Variants in SGCZ observed in about 807,000 individuals in gnomAD.
SGCZ encodes the protein sarcoglycan zeta.
In SGCZ, 40 loss-of-function variants were observed where a neutral mutation model predicts 41.3. That is an observed-to-expected ratio of 0.97 (90% CI 0.75 to 1.26). The LOEUF is 1.26. Ranked by LOEUF, SGCZ falls within the 50% of genes most tolerant of loss-of-function variation. The pLI, the probability that SGCZ is intolerant of heterozygous loss-of-function variation, is 0.00. For missense variants in SGCZ, 552 were observed against 369.8 expected, an observed-to-expected ratio of 1.49 and a Z score of -4.04; for synonymous variants, 206 against 137.5, an observed-to-expected ratio of 1.50 and a Z score of -3.49.
At chr8:14,725,618 A>G (rs1358276988) in intron 1 of SGCZ, among the ~76,000 whole-genome samples, 1 of 152,218 alleles carries the variant, frequency 6.6e-6, no homozygotes, top group Non-Finnish European at 1.5e-5. Flanking sequence ...ATGTGAAGGC[A>G]AATTTAATGA....
At chr8:14,144,392 C>G (rs1042428796) in intron 5 of SGCZ, among the ~76,000 whole-genome samples, 1 of 152,166 alleles carries the variant, frequency 6.6e-6, no homozygotes, top group Admixed American at 6.5e-5. Context: ...GAATCCACTG[C>G]TTTGAAGAAA....
At chr8:15,003,222 G>A (rs1192466385) in intron 1 of SGCZ, among the ~76,000 whole-genome samples, 1 of 152,328 alleles carries the variant, frequency 6.6e-6, no homozygotes, top group South Asian at 2.1e-4. Flanking sequence ...ATGGAGAGCA[G>A]AGAGTTTATA....
chr8:14,615,040 A>C (rs1806054126), intron 1 of SGCZ, among the ~76,000 whole-genome samples: 1 of 152,100 alleles, frequency 6.6e-6, no homozygotes, highest in African/African-American at 2.4e-5. Flanking sequence ...GCTTGTTACA[A>C]AAAGATTAAA....
At chr8:15,236,505 A>T (rs1802125723) in intron 1 of SGCZ, among the ~76,000 whole-genome samples, 1 of 152,194 alleles carries the variant, frequency 6.6e-6, no homozygotes, top group Non-Finnish European at 1.5e-5. Flanking sequence ...CTGAAATAGT[A>T]GAACGTACCA....
intron 5 of SGCZ, among the ~76,000 whole-genome samples, chr8:14,109,500 C>A (rs1383090658): frequency 1.3e-5 from 2 of 152,054 alleles, no homozygotes; most frequent in Non-Finnish European, 1.5e-5. Flanking sequence ...GCTTTAAGAA[C>A]CTCATACCTG....
At chr8:14,860,301 T>A (rs73666906) in intron 1 of SGCZ, among the ~76,000 whole-genome samples, 6,135 of 151,978 alleles carry the variant, frequency 0.04, 340 homozygotes, top group African/African-American at 0.13. Flanking sequence ...CCAAGAGCAA[T>A]TTGACGCTAA....
At chr8:14,558,120 C>G (rs1011743247) in intron 1 of SGCZ, among the ~76,000 whole-genome samples, 3 of 152,080 alleles carry the variant, frequency 2.0e-5, no homozygotes, top group African/African-American at 7.2e-5. Context: ...ATTCAGGAAG[C>G]ATTAGAAACA....
At chr8:14,741,296 C>T (rs1235775986) in intron 1 of SGCZ, among the ~76,000 whole-genome samples, 1 of 151,936 alleles carries the variant, frequency 6.6e-6, no homozygotes, top group Non-Finnish European at 1.5e-5. Flanking sequence ...AAATTAAGCC[C>T]ATCTTTTAGA....
At chr8:15,013,856 A>C (rs756242842) in intron 1 of SGCZ, among the ~76,000 whole-genome samples, 5 of 152,176 alleles carry the variant, frequency 3.3e-5, no homozygotes, top group Non-Finnish European at 7.3e-5. Flanking sequence ...TGTTTGTGGG[A>C]AGCATAGAGA....
chr8:14,869,704 C>G (rs62493323), intron 1 of SGCZ, among the ~76,000 whole-genome samples: 2,083 of 152,242 alleles, frequency 0.014, 21 homozygotes, highest in Non-Finnish European at 0.02. Flanking sequence ...TGTCTCAGCC[C>G]AAAATCTCTT....
At chr8:14,436,984 A>G (rs1413494514) in intron 2 of SGCZ, among the ~76,000 whole-genome samples, 1 of 152,236 alleles carries the variant, frequency 6.6e-6, no homozygotes, top group Non-Finnish European at 1.5e-5. Flanking sequence ...CTTTTAAGCA[A>G]AAGCCAGAAT....
intron 1 of SGCZ, among the ~76,000 whole-genome samples, chr8:14,800,037 G>A (rs1801268974): frequency 6.6e-6 from 1 of 152,184 alleles, no homozygotes; most frequent in Admixed American, 6.5e-5. Flanking sequence ...GTTTTGCACA[G>A]AGGTTAGCTA....
chr8:14,797,432 A>G (rs1403823784), intron 1 of SGCZ, among the ~76,000 whole-genome samples: 1 of 152,186 alleles, frequency 6.6e-6, no homozygotes, highest in Non-Finnish European at 1.5e-5. Context: ...TTTTGGCCCT[A>G]TCTTAGAGCT....
chr8:14,224,849 C>G (rs1322130068), intron 4 of SGCZ, among the ~76,000 whole-genome samples: 3 of 152,162 alleles, frequency 2.0e-5, no homozygotes, highest in African/African-American at 7.2e-5. Flanking sequence ...ACTACTTGCT[C>G]TTGTTACTTA....
chr8:14,809,522 T>C (rs1216270388), intron 1 of SGCZ, among the ~76,000 whole-genome samples: 1 of 152,172 alleles, frequency 6.6e-6, no homozygotes, highest in Admixed American at 6.6e-5. Flanking sequence ...AATTACCAAT[T>C]CTCCATTTTA....
At chr8:15,153,587 C>G (rs1182271378) in intron 1 of SGCZ, among the ~76,000 whole-genome samples, 1 of 152,112 alleles carries the variant, frequency 6.6e-6, no homozygotes, top group Non-Finnish European at 1.5e-5. Flanking sequence ...TCATGAAAGG[C>G]TTGGACTATC....
chr8:14,328,734 T>A (rs1189140929), intron 2 of SGCZ, among the ~76,000 whole-genome samples: 2 of 152,230 alleles, frequency 1.3e-5, no homozygotes, highest in African/African-American at 4.8e-5. Flanking sequence ...ATGTGTCCCC[T>A]CTAAAATTTA....
chr8:15,064,056 T>A (rs1365777503), intron 1 of SGCZ, among the ~76,000 whole-genome samples: 1 of 152,196 alleles, frequency 6.6e-6, no homozygotes, highest in Non-Finnish European at 1.5e-5. Flanking sequence ...GATATTTCTT[T>A]TGGGTTTCTT....
intron 1 of SGCZ, among the ~76,000 whole-genome samples, chr8:14,573,913 A>G (rs1223421420): frequency 1.3e-5 from 2 of 152,156 alleles, no homozygotes; most frequent in Non-Finnish European, 2.9e-5. Context: ...CCTTTAAGCC[A>G]TAGAAGGGAG....
Sources: gnomAD v4.1 joint callset for allele counts (sites outside exome capture counted in the v4.1 genomes callset) on GRCh38, gnomAD v4.1.1 for gene constraint, MANE v1.5 for transcripts, NCBI Gene and HGNC (gene_info 2026-07-23, HGNC 2026-07-21) for gene names.